The following UGT2B10 variants were observed in gnomAD, a reference collection of about 807,000 sequenced individuals.
UGT2B10 encodes UDP-glucuronosyltransferase 2B10.
Under a neutral mutation model 43.7 loss-of-function variants are expected in UGT2B10, and 51 were observed. The ratio of observed to expected loss-of-function variants is 1.17; its 90% CI spans 0.93 to 1.47. UGT2B10 has a LOEUF of 1.47. Among genes scored for constraint, UGT2B10 ranks in the 40% most tolerant of loss-of-function variants. UGT2B10 has a pLI of 0.00. For synonymous variants in UGT2B10, 225 were observed against 209.0 expected (o/e 1.08, Z -0.66); for missense variants, 696 against 617.7 (o/e 1.13, Z -1.34).
chr4:68,829,817 C>G (rs1383529193), intron 5 of UGT2B10, among the ~76,000 whole-genome samples: 7 of 152,020 alleles, frequency 4.6e-5, no homozygotes, highest in African/African-American at 1.7e-4. Flanking sequence ...AGAAAAAGAC[C>G]TTGCCAGTGT....
rs143918862 is a variant in UGT2B10, at chr4:68,822,253, T to G, written c.868-18T>G. 963 of 1,608,810 alleles carry G rather than the reference T, an allele frequency of 6.0e-4. 6 individuals are homozygous for G. In the African/African-American group the frequency reaches 0.012, roughly 20 times the overall value. On this transcript the variant is annotated intron_variant, in intron 2 of 5. Transcript: ENST00000265403. Reference sequence around the variant, plus strand: ...GTGATACTCTTTTATGATGAAACATTTTTTCTTTTTCCCACAGGAAATGGA... The same window carrying G: ...GTGATACTCTTTTATGATGAAACATGTTTTCTTTTTCCCACAGGAAATGGA...
At chr4:68,826,600 A>C in intron 4 of UGT2B10, 103 bp downstream of exon 4, 1 of 1,351,552 alleles carries the variant, frequency 7.4e-7, no homozygotes. Context: ...ATAGGAAAAC[A>C]AAAAAGAACT....
In UGT2B10 at chr4:68,831,640, T is replaced by C. The variant is rs2109710118; in HGVS notation, c.*761T>C. 6.6e-6 allele frequency among the ~76,000 whole-genome samples: 1 copy of C among 152,284 alleles called. No homozygotes were observed. Among genetic ancestry groups the C allele is most frequent in the Non-Finnish European group, 1.5e-5 (1 of 68,008 alleles). On this transcript the variant is annotated 3_prime_UTR_variant, in exon 6 of 6. Transcript: ENST00000265403. Reference sequence around the variant, plus strand: ...CTCTGAAAATTACCAGTAAACTGATTAAAATCTAAAATTGCTTTCTGTTAA... The same window carrying C: ...CTCTGAAAATTACCAGTAAACTGATCAAAATCTAAAATTGCTTTCTGTTAA...
chr4:68,823,948 C>G (rs1737642264), intron 3 of UGT2B10, among the ~76,000 whole-genome samples: 1 of 152,078 alleles, frequency 6.6e-6, no homozygotes, highest in South Asian at 2.1e-4. Flanking sequence ...CAAATTCTGC[C>G]CCTGTCATTT....
intron 5 of UGT2B10, 85 bp downstream of exon 5, chr4:68,827,633 A>T: frequency 6.4e-7 from 1 of 1,552,708 alleles, no homozygotes; most frequent in Non-Finnish European, 8.7e-7. Context: ...TCCTTTTTAT[A>T]AGAGAGTGAT....
At position 68,816,728 on chromosome 4, in the gene UGT2B10, G is replaced by A. The variant is rs1183625802; in HGVS notation, c.709G>A (p.Glu237Lys). 1.9e-6 allele frequency: 3 copies of A among 1,591,642 alleles called. No homozygotes were observed. Among genetic ancestry groups the A allele is most frequent in the East Asian group, 4.5e-5 (2 of 44,520 alleles). The change falls in exon 1 of 6, where the codon GAA becomes AAA. Residue 237 changes from glutamate to lysine, a missense_variant. Coordinates refer to ENST00000265403, the MANE Select transcript of UGT2B10 (RefSeq NM_001075.6). ...NMKKWDQFYS[E>K]VLGRPTTLSE... ...GAAGAAGTGGGATCAGTTTTACAGT[G>A]AAGTTTTAGGTAAGATTTTTTTCAA...
At chr4:68,830,518 C>T (rs1487297453) in intron 5 of UGT2B10, 82 bp from the exon 6 acceptor site, 2 of 1,449,528 alleles carry the variant, frequency 1.4e-6, no homozygotes, top group East Asian at 2.3e-5. Flanking sequence ...TTATTTGACA[C>T]TTTAAAAGCC....
Position 68,816,371 on chromosome 4 carries a change from A to T in UGT2B10, c.352A>T (p.Ile118Phe). The T allele has an allele frequency of 1.2e-6, 2 of 1,612,760 alleles. No homozygotes were observed. The highest frequency in any genetic ancestry group is 1.7e-6 in the Non-Finnish European group (2 of 1,179,236). Residue 118 changes from isoleucine to phenylalanine, a missense_variant, in exon 1 of 6, where the codon ATT (isoleucine) becomes TTT (phenylalanine). By Grantham distance (21) the Ile-to-Phe change is conservative. Transcript: ENST00000265403. ...ACAAGAACAAGAAATCCTGTGGGCA[A>T]TTAATGACATAATTAGAAACTTCTG... ...FSQEQEILWA[I>F]NDIIRNFCKD...
At position 68,830,718 on chromosome 4, in the gene UGT2B10, C is replaced by T. The variant is rs754651977; in HGVS notation, c.1426C>T (p.Arg476Ter). 2.3e-5 allele frequency: 37 copies of T among 1,613,324 alleles called. 1 individual carries two copies. Among genetic ancestry groups the T allele is most frequent in the South Asian group, 8.8e-5 (8 of 91,072 alleles). ...VMRHKGAKHL[R>*]VAAHNLTWFQ... Reference sequence around the variant, plus strand: ...GCGCCACAAAGGAGCCAAACATCTTCGAGTTGCAGCCCACAACCTCACCTG... The same window carrying T: ...GCGCCACAAAGGAGCCAAACATCTTTGAGTTGCAGCCCACAACCTCACCTG... Residue 476 changes from arginine to a stop codon, truncating the protein, a stop_gained, in exon 6 of 6, where the codon CGA (arginine) becomes TGA (stop). Transcript: ENST00000265403. LOFTEE classifies it low-confidence loss of function (END_TRUNC).
chr4:68,818,190 T>C lies in UGT2B10; in HGVS notation c.867+13T>C. ...ACCCCTACCTAAGGTAAACATACTT[T>C]CGTTGGTTTTATTTTGTTGGCTTCA... is the stretch of plus-strand genomic sequence containing the variant. On this transcript the variant is annotated intron_variant, in intron 2 of 5. Coordinates refer to ENST00000265403, the MANE Select transcript of UGT2B10 (RefSeq NM_001075.6). 3.1e-6 allele frequency: 5 copies of C among 1,606,510 alleles called. No homozygotes were observed. Among genetic ancestry groups the C allele is most frequent in the Non-Finnish European group, 4.2e-6 (5 of 1,176,936 alleles).
chr4:68,824,509 T>C (rs1307762901), intron 3 of UGT2B10, among the ~76,000 whole-genome samples: 1 of 152,152 alleles, frequency 6.6e-6, no homozygotes, highest in Non-Finnish European at 1.5e-5. Context: ...TAGAACATAG[T>C]AGGAATATAT....
Position 68,816,174 on chromosome 4 carries a change from T to G in UGT2B10, c.155T>G (p.Val52Gly). 1.2e-6 allele frequency: 2 copies of G among 1,613,282 alleles called. No homozygotes were observed. The highest frequency in any genetic ancestry group is 2.2e-5 in the South Asian group (2 of 91,064). The stretch of plus-strand genomic sequence containing the variant: ...GAACTTGTTCAGAGAGGTCATGAGG[T>G]GACTGTACTGGCATCTTCAGCTTCC... ...LKELVQRGHE[V>G]TVLASSASIL... Residue 52 changes from valine (V) to glycine (G), a missense_variant, in exon 1 of 6, where the codon GTG becomes GGG. Coordinates refer to ENST00000265403, the MANE Select transcript of UGT2B10 (RefSeq NM_001075.6).
chr4:68,820,617 G>A (rs1180837529), intron 2 of UGT2B10, among the ~76,000 whole-genome samples: 5 of 151,848 alleles, frequency 3.3e-5, no homozygotes, highest in Admixed American at 2.6e-4. Flanking sequence ...CACATACAGT[G>A]AATAAGAAAA....
intron 5 of UGT2B10, among the ~76,000 whole-genome samples, chr4:68,830,282 G>A (rs1379399927): frequency 6.7e-6 from 1 of 149,802 alleles, no homozygotes; most frequent in Non-Finnish European, 1.5e-5. Context: ...ATAAACATAT[G>A]CACTTAATAT....
intron 1 of UGT2B10, 105 bp from the exon 2 acceptor site, chr4:68,817,924 A>T (rs1366092769): frequency 7.2e-7 from 1 of 1,388,368 alleles, no homozygotes; most frequent in Non-Finnish European, 9.7e-7. Flanking sequence ...CAAAGCACAC[A>T]AACTTTACCA....
At position 68,826,491 on chromosome 4, in the gene UGT2B10, C is replaced by T. The variant is rs192948524; in HGVS notation, c.1081C>T (p.Leu361Phe). ...GTACAAGTGGATACCCCAGAATGAC[C>T]TTCTAGGTAACACTCTGGTGAACAA... ...RLYKWIPQND[L>F]LGHPKTRAFI... The change falls in exon 4 of 6, where the codon CTT becomes TTT. Residue 361 changes from leucine (L) to phenylalanine (F), a missense_variant. Transcript: ENST00000265403. 1,121 of 1,611,820 alleles carry T rather than the reference C, an allele frequency of 7.0e-4. 3 individuals are homozygous for T. The African/African-American group carries it at 0.014, about 20-fold the overall frequency.
At chr4:68,829,933 T>A (rs1472884454) in intron 5 of UGT2B10, among the ~76,000 whole-genome samples, 1 of 152,080 alleles carries the variant, frequency 6.6e-6, no homozygotes, top group African/African-American at 2.4e-5. Context: ...ATAATCTCAC[T>A]TTAGTTGCAA....
chr4:68,821,438 A>C (rs1356387384), intron 2 of UGT2B10, among the ~76,000 whole-genome samples: 1 of 152,138 alleles, frequency 6.6e-6, no homozygotes, highest in Non-Finnish European at 1.5e-5. Flanking sequence ...TGATGATGAG[A>C]GTTCCTCACA....
intron 2 of UGT2B10, among the ~76,000 whole-genome samples, chr4:68,818,856 C>T (rs835312): frequency 0.57 from 85,752 of 151,654 alleles, 28,230 homozygotes; most frequent in South Asian, 0.79. Context: ...GAGCCAGATA[C>T]GTATTAGGAG....
Sources: allele counts gnomAD v4.1 joint callset (sites outside exome capture counted in the v4.1 genomes callset), GRCh38; gene constraint gnomAD v4.1.1; transcripts MANE v1.5; gene names NCBI Gene and HGNC (gene_info 2026-07-23, HGNC 2026-07-21).